TMEM179: variants seen among roughly 807,000 people sequenced by gnomAD.
TMEM179 encodes the protein transmembrane protein 179A.
A neutral mutation model predicts 22.2 loss-of-function variants in TMEM179; 17 were observed. The ratio of observed to expected loss-of-function variants is 0.77; its 90% CI spans 0.52 to 1.15. TMEM179 has a LOEUF of 1.15. Among genes scored for constraint, TMEM179 ranks in the 50% most tolerant of loss-of-function variants. The pLI is 0.00. For synonymous variants in TMEM179, 127 were observed against 140.5 expected (o/e 0.90, Z 0.68); for missense variants, 265 against 313.6 (o/e 0.84, Z 1.17).
At chr14:104,600,730 C>T (rs575421578) in intron 1 of TMEM179, among the ~76,000 whole-genome samples, 4 of 152,292 alleles carry the variant, frequency 2.6e-5, no homozygotes, top group East Asian at 1.9e-4. Flanking sequence ...CTTCTGGGCA[C>T]GAGCTCTCAG....
intron 1 of TMEM179, among the ~76,000 whole-genome samples, chr14:104,600,831 T>C (rs1248357462): frequency 1.3e-5 from 2 of 152,174 alleles, no homozygotes; most frequent in Non-Finnish European, 2.9e-5. Context: ...GGACGTGCCA[T>C]GTGCCCCTCA....
rs945088701 is a variant in TMEM179 at position 104,593,068 on chromosome 14, G to A, written c.*411C>T. 8 of 199,072 alleles carry A rather than the reference G, an allele frequency of 4.0e-5. No individual in the cohort carries two copies. The highest frequency in any genetic ancestry group is 1.2e-4 in the South Asian group (1 of 8,284). The allele number at this position is 199,072 out of a possible 1,614,324, so 12.3% of individuals were successfully genotyped here. ...GGATGGCAGAATTCATGCAGAATTC[G>A]TTCAGGGCTAAGTGACATCTGGCCA... On this transcript the variant is annotated 3_prime_UTR_variant, in exon 4 of 4. Transcript: ENST00000556573.
At chr14:104,599,578 G>C (rs1053421616) in intron 1 of TMEM179, among the ~76,000 whole-genome samples, 1 of 152,206 alleles carries the variant, frequency 6.6e-6, no homozygotes, top group African/African-American at 2.4e-5. Flanking sequence ...ATCTGGCCTG[G>C]GGGTGCAAAT....
chr14:104,592,788 G>A lies in TMEM179; in HGVS notation c.*691C>T, dbSNP rs1047778098. Among the ~76,000 whole-genome samples the A allele has an allele frequency of 5.9e-5, 9 of 152,084 alleles. No individual in the cohort carries two copies. The highest frequency in any genetic ancestry group is 1.9e-4 in the African/African-American group (8 of 41,410). ...TCCTCTATGTGGTACGTGTGCCCCCGAAATCCCCAACCAGATGATGCCCCC... is the reference window on the plus strand; with the variant it reads ...TCCTCTATGTGGTACGTGTGCCCCCAAAATCCCCAACCAGATGATGCCCCC... On this transcript the variant is annotated 3_prime_UTR_variant, in exon 4 of 4. Coordinates refer to ENST00000556573, the MANE Select transcript of TMEM179 (RefSeq NM_001286389.2).
rs8015839 is a variant in TMEM179 at position 104,604,148 on chromosome 14, A to G, written c.305+289T>C. On this transcript the variant is annotated intron_variant, in intron 1 of 3. Transcript: ENST00000556573. This position sits in a 1 kb window ranked among gnomAD's most constrained non-coding sequence, Gnocchi z 4.6. ...AGGTCCAGGCCTGCTGGGTGATGACAGTGCAACATCTGCAACCCAAGGGAG... is the reference window on the plus strand; with the variant it reads ...AGGTCCAGGCCTGCTGGGTGATGACGGTGCAACATCTGCAACCCAAGGGAG... Among the ~76,000 whole-genome samples the G allele has an allele frequency of 0.12, 18,915 of 152,190 alleles. 1,401 individuals are homozygous for G. Among genetic ancestry groups the G allele is most frequent in the Middle Eastern group, 0.2 (60 of 294 alleles).
chr14:104,594,850 G>T (rs1168859062), intron 3 of TMEM179: 4 of 1,312,500 alleles, frequency 3.0e-6, no homozygotes, highest in Middle Eastern at 2.9e-4. Context: ...AGGATCTGAT[G>T]CCTGGTTTCG....
Position 104,593,123 on chromosome 14 carries a change from T to A in TMEM179, c.*356A>T. ...TGGGCCAGCTGGCATGGAGACAGCA[T>A]CCGGCCAGGGTTGGGGGAGACAAGC... On this transcript the variant is annotated 3_prime_UTR_variant, in exon 4 of 4. Transcript: ENST00000556573. The A allele has an allele frequency of 3.1e-6, 1 of 325,156 alleles. No individual in the cohort carries two copies. Among genetic ancestry groups the A allele is most frequent in the South Asian group, 5.3e-5 (1 of 18,872 alleles). 20.1% of individuals were successfully genotyped at this position (325,156 alleles called of 1,614,324 possible). A position where few individuals can be genotyped will look rare whatever the true frequency, so the allele number is the denominator to read the frequency against.
In TMEM179 at chr14:104,592,688, A is replaced by G. The variant is rs1265357857; in HGVS notation, c.*791T>C. ...CTCATATACACAATCACACCCTCCC[A>G]TGCACAAAGGCACTCACAATCACAT... On this transcript the variant is annotated 3_prime_UTR_variant, in exon 4 of 4. Coordinates refer to ENST00000556573, the MANE Select transcript of TMEM179 (RefSeq NM_001286389.2). Among the ~76,000 whole-genome samples the G allele has an allele frequency of 6.6e-6, 1 of 152,120 alleles. No homozygotes were observed. The highest frequency in any genetic ancestry group is 2.4e-5 in the African/African-American group (1 of 41,410).
Position 104,604,610 on chromosome 14 carries a change from C to G in TMEM179, c.132G>C (p.Glu44Asp). Residue 44 changes from glutamate to aspartate, a missense_variant, in exon 1 of 4, where the codon GAG (glutamate) becomes GAC (aspartate). Transcript: ENST00000556573. The surrounding 1 kb of genome is among the most constrained non-coding windows in gnomAD (Gnocchi z 4.6). ...DFRGRCLLFT[E>D]GMWLSANLTV... The stretch of plus-strand genomic sequence containing the variant: ...TGAGGTTGGCGCTCAGCCACATGCC[C>G]TCGGTGAAGAGCAGGCAGCGGCCGC... 6.4e-7 allele frequency: 1 copy of G among 1,566,822 alleles called. No individual in the cohort carries two copies. The highest frequency in any genetic ancestry group is 8.6e-7 in the Non-Finnish European group (1 of 1,159,694).
Position 104,595,161 on chromosome 14 carries a change from C to T in TMEM179, c.522+4G>A, listed in dbSNP as rs373163485. ...AGCCTCCCTTCTTGCCCAGAGCCCC[C>T]TACCTGGGCAATTGCAAACTGATCG... is the stretch of plus-strand genomic sequence containing the variant. On this transcript the variant is annotated splice_donor_region_variant and intron_variant, in intron 3 of 3. Coordinates refer to ENST00000556573, the MANE Select transcript of TMEM179 (RefSeq NM_001286389.2). This position sits in a 1 kb window ranked among gnomAD's most constrained non-coding sequence, Gnocchi z 5.7. The T allele has an allele frequency of 4.3e-6, 7 of 1,613,728 alleles. No individual in the cohort carries two copies. Among genetic ancestry groups the T allele is most frequent in the African/African-American group, 1.3e-5 (1 of 74,936 alleles).
At position 104,591,637 on chromosome 14, in the gene TMEM179, C is replaced by T. The variant is rs533920923; in HGVS notation, c.*1842G>A. 2.6e-5 allele frequency: 9 copies of T among 343,572 alleles called. No individual in the cohort carries two copies. The highest frequency in any genetic ancestry group is 8.8e-5 in the East Asian group (1 of 11,316). The allele number at this position is 343,572 out of a possible 1,614,324, so 21.3% of individuals were successfully genotyped here. A position where few individuals can be genotyped will look rare whatever the true frequency, so the allele number is the denominator to read the frequency against. On this transcript the variant is annotated 3_prime_UTR_variant, in exon 4 of 4. Transcript: ENST00000556573. Reference sequence around the variant, plus strand: ...GATGGGCACCTGCCAGCCTCACTCCCGGGACCCAGGATGATGCCCCCACCA... The same window carrying T: ...GATGGGCACCTGCCAGCCTCACTCCTGGGACCCAGGATGATGCCCCCACCA...
At chr14:104,598,416 C>T (rs1004421124) in intron 1 of TMEM179, among the ~76,000 whole-genome samples, 5 of 152,216 alleles carry the variant, frequency 3.3e-5, no homozygotes, top group East Asian at 1.9e-4. Flanking sequence ...AGCTTCACAG[C>T]GATCATTTAA....
chr14:104,602,660 G>A (rs1470672414), intron 1 of TMEM179, among the ~76,000 whole-genome samples: 1 of 152,250 alleles, frequency 6.6e-6, no homozygotes, highest in Non-Finnish European at 1.5e-5. Context: ...CAGCCCTGGA[G>A]TGGGCTGAGG....
At position 104,604,145 on chromosome 14, in the gene TMEM179, G is replaced by A. The variant is rs1159857947; in HGVS notation, c.305+292C>T. Among the ~76,000 whole-genome samples, 1 of 152,242 alleles carries A rather than the reference G, an allele frequency of 6.6e-6. No individual in the cohort carries two copies. The highest frequency in any genetic ancestry group is 2.4e-5 in the African/African-American group (1 of 41,466). On this transcript the variant is annotated intron_variant, in intron 1 of 3. Coordinates refer to ENST00000556573, the MANE Select transcript of TMEM179 (RefSeq NM_001286389.2). The surrounding 1 kb of genome is among the most constrained non-coding windows in gnomAD (Gnocchi z 4.6). ...GGAAGGTCCAGGCCTGCTGGGTGAT[G>A]ACAGTGCAACATCTGCAACCCAAGG...
At position 104,595,886 on chromosome 14, in the gene TMEM179, C is replaced by T. The variant is rs759208068; in HGVS notation, c.444-643G>A. On this transcript the variant is annotated intron_variant, in intron 2 of 3. Transcript: ENST00000556573. The surrounding 1 kb of genome is among the most constrained non-coding windows in gnomAD (Gnocchi z 5.7). ...AGGACACATTGACAGGAGCAGGGTG[C>T]CAGAAAGAGGGGGCCCAGCGGCCCC... Among the ~76,000 whole-genome samples the T allele has an allele frequency of 7.2e-5, 11 of 152,238 alleles. No individual in the cohort carries two copies. Among genetic ancestry groups the T allele is most frequent in the Non-Finnish European group, 1.5e-4 (10 of 68,042 alleles).
chr14:104,598,434 G>A (rs35960466), intron 1 of TMEM179, among the ~76,000 whole-genome samples: 72,875 of 152,168 alleles, frequency 0.48, 20,791 homozygotes, highest in Non-Finnish European at 0.64. Flanking sequence ...TAATAAACAA[G>A]GTCTCCCTGG....
Position 104,604,110 on chromosome 14 carries a change from A to G in TMEM179, c.305+327T>C, listed in dbSNP as rs1887334601. Among the ~76,000 whole-genome samples, 1 of 152,170 alleles carries G rather than the reference A, an allele frequency of 6.6e-6. No homozygotes were observed. The highest frequency in any genetic ancestry group is 6.5e-5 in the Admixed American group (1 of 15,286). On this transcript the variant is annotated intron_variant, in intron 1 of 3. Transcript: ENST00000556573. This position sits in a 1 kb window ranked among gnomAD's most constrained non-coding sequence, Gnocchi z 4.6. ...GGTCCTGGCGAGTGTGGCCCGGCTG[A>G]GCCCGCCCAGGAAGGTCCAGGCCTG...
Position 104,595,572 on chromosome 14 carries a change from T to TC in TMEM179, c.444-330dup, listed in dbSNP as rs1886994882. On this transcript the variant is annotated intron_variant, in intron 2 of 3. Coordinates refer to ENST00000556573, the MANE Select transcript of TMEM179 (RefSeq NM_001286389.2). This position sits in a 1 kb window ranked among gnomAD's most constrained non-coding sequence, Gnocchi z 5.7. Reference sequence around the variant, plus strand: ...CACGGGGTCTCAGAGGCCAGGCCCCTCCCTGTCCTGACCCAGGACGGCCGG... The same window carrying TC: ...CACGGGGTCTCAGAGGCCAGGCCCCTCCCCTGTCCTGACCCAGGACGGCCGG... Among the ~76,000 whole-genome samples, 1 of 149,048 alleles carries TC rather than the reference T, an allele frequency of 6.7e-6. No homozygotes were observed. Among genetic ancestry groups the TC allele is most frequent in the Non-Finnish European group, 1.5e-5 (1 of 67,490 alleles).
chr14:104,595,363 C>T lies in TMEM179; in HGVS notation c.444-120G>A. On this transcript the variant is annotated intron_variant, in intron 2 of 3. Transcript: ENST00000556573. The surrounding 1 kb of genome is among the most constrained non-coding windows in gnomAD (Gnocchi z 5.7). ...TACAATTGTTGGGCGAGGGGGTGGG[C>T]AGCAGGGAGTCTCTGGGGACATCAC... 1 of 940,732 alleles carries T rather than the reference C, an allele frequency of 1.1e-6. No individual in the cohort carries two copies. 58.3% of individuals were successfully genotyped at this position (940,732 alleles called of 1,614,324 possible).
Sources: allele counts gnomAD v4.1 joint callset (sites outside exome capture counted in the v4.1 genomes callset), GRCh38; gene constraint gnomAD v4.1.1; non-coding constraint Gnocchi (gnomAD v3.1); transcripts MANE v1.5; gene names NCBI Gene and HGNC (gene_info 2026-07-23, HGNC 2026-07-21).